The following TFEC variants were observed in gnomAD, a reference collection of about 807,000 sequenced individuals.
TFEC encodes the protein transcription factor EC.
Under a neutral mutation model 41.6 loss-of-function variants are expected in TFEC, and 31 were observed. That is an observed-to-expected ratio of 0.74 (90% CI 0.56 to 1.01). The LOEUF (loss-of-function observed/expected upper bound fraction) is 1.01, where lower values mean the gene tolerates loss of function less well. Ranked by LOEUF, TFEC falls within the 50% of genes least tolerant of loss-of-function variation. The pLI is 0.00. For missense variants in TFEC, 402 were observed against 404.1 expected (o/e 0.99, Z 0.04); for synonymous variants, 143 against 140.6 (o/e 1.02, Z -0.12).
At chr7:116,058,975 A>G (rs1428594248) in intron 3 of TFEC, among the ~76,000 whole-genome samples, 1 of 151,824 alleles carries the variant, frequency 6.6e-6, no homozygotes, top group African/African-American at 2.4e-5. Context: ...TTCTACCTTA[A>G]CACATTAGAA....
At chr7:116,012,384 C>T (rs1795033708) in intron 1 of TFEC, among the ~76,000 whole-genome samples, 1 of 152,174 alleles carries the variant, frequency 6.6e-6, no homozygotes, top group African/African-American at 2.4e-5. Flanking sequence ...CTTAAATGTA[C>T]TGTTTTCCAT....
At chr7:116,021,972 C>T (rs899258865) in intron 1 of TFEC, among the ~76,000 whole-genome samples, 1 of 152,132 alleles carries the variant, frequency 6.6e-6, no homozygotes, top group Admixed American at 6.5e-5. Flanking sequence ...AGAGTTGGTC[C>T]TCAGATTCAG....
At chr7:116,111,974 T>G (rs1257384070) in intron 2 of TFEC, 1 of 985,992 alleles carries the variant, frequency 1.0e-6, no homozygotes, top group East Asian at 1.1e-4. Context: ...TGCAACACTT[T>G]GTATGAAAAC....
At chr7:116,155,258 A>G (rs933489287) in intron 1 of TFEC, among the ~76,000 whole-genome samples, 4 of 152,236 alleles carry the variant, frequency 2.6e-5, no homozygotes, top group African/African-American at 9.6e-5. Flanking sequence ...TAAAGAACTA[A>G]TATTTAAACC....
chr7:115,949,071 C>G (rs1191347300), intron 6 of TFEC, among the ~76,000 whole-genome samples: 1 of 151,980 alleles, frequency 6.6e-6, no homozygotes, highest in Non-Finnish European at 1.5e-5. Context: ...AAACGGAGAG[C>G]CAAATCATGA....
At chr7:116,007,351 C>T (rs761628390) in intron 1 of TFEC, among the ~76,000 whole-genome samples, 10 of 152,124 alleles carry the variant, frequency 6.6e-5, no homozygotes, top group Non-Finnish European at 1.3e-4. Context: ...TTCAACTCTA[C>T]AAATCACCAA....
intron 3 of TFEC, among the ~76,000 whole-genome samples, chr7:116,039,814 T>C (rs1282526246): frequency 1.3e-5 from 2 of 152,074 alleles, no homozygotes; most frequent in Non-Finnish European, 2.9e-5. Context: ...TTTATTCTTT[T>C]AGAGGTTAAA....
intron 6 of TFEC, among the ~76,000 whole-genome samples, chr7:115,945,550 C>T (rs1250334342): frequency 1.1e-4 from 16 of 151,676 alleles, no homozygotes; most frequent in Admixed American, 9.9e-4. Context: ...TTTGGAATGT[C>T]ACACATTTCA....
chr7:116,128,568 C>G (rs558349510), intron 1 of TFEC, among the ~76,000 whole-genome samples: 29 of 152,038 alleles, frequency 1.9e-4, no homozygotes, highest in African/African-American at 5.8e-4. Flanking sequence ...TTTTATAAAT[C>G]AAAGCTAAAC....
chr7:116,074,527 T>C (rs916637292), intron 3 of TFEC, among the ~76,000 whole-genome samples: 5 of 152,142 alleles, frequency 3.3e-5, no homozygotes, highest in African/African-American at 4.8e-5. Context: ...CATTAATCAT[T>C]AGAAAAATGT....
At chr7:116,042,065 GA>G (rs149826046) in intron 3 of TFEC, among the ~76,000 whole-genome samples, 27,186 of 150,408 alleles carry the variant, frequency 0.18, 2,474 homozygotes, top group East Asian at 0.32. Context: ...TAATTTTAAA[GA>G]AAAAAAAACA....
intron 3 of TFEC, among the ~76,000 whole-genome samples, chr7:116,053,961 T>A (rs1184411671): frequency 1.3e-5 from 2 of 152,246 alleles, no homozygotes; most frequent in African/African-American, 4.8e-5. Flanking sequence ...AATAACCTAA[T>A]ATGGTATGTC....
rs766132159 is a variant in TFEC, at chr7:115,940,759, G to A, written c.836C>T (p.Ala279Val). The A allele has an allele frequency of 6.2e-7, 1 of 1,613,444 alleles. No homozygotes were observed. The highest frequency in any genetic ancestry group is 8.5e-7 in the Non-Finnish European group (1 of 1,179,614). The change falls in exon 8 of 8, where the codon GCT becomes GTT. Residue 279 changes from alanine to valine, a missense_variant. By Grantham distance (64) the Ala-to-Val change is moderately conservative. Transcript: ENST00000265440. ...QGPSPELCDQ[A>V]IAFSDPLSYF... ...TGACAAAGGATCAGAAAAGGCTATAGCTTGATCACAGAGCTCAGGGCTTGG... is the reference window on the plus strand; with the variant it reads ...TGACAAAGGATCAGAAAAGGCTATAACTTGATCACAGAGCTCAGGGCTTGG...
chr7:116,140,027 T>A (rs531112682), intron 1 of TFEC, among the ~76,000 whole-genome samples: 3 of 152,258 alleles, frequency 2.0e-5, no homozygotes, highest in African/African-American at 7.2e-5. Flanking sequence ...CATGATGCAA[T>A]GGAAGGAATG....
intron 1 of TFEC, among the ~76,000 whole-genome samples, chr7:116,025,902 A>C (rs1795566993): frequency 6.6e-6 from 1 of 152,234 alleles, no homozygotes; most frequent in Non-Finnish European, 1.5e-5. Context: ...GGTATTACCC[A>C]TAGTCACCAC....
intron 3 of TFEC, among the ~76,000 whole-genome samples, chr7:115,968,879 TG>T (rs1450512999): frequency 1.3e-5 from 2 of 151,874 alleles, no homozygotes; most frequent in African/African-American, 2.4e-5. Context: ...TTTCCTCATT[TG>T]TAAAATTTTA....
chr7:116,119,863 T>C (rs116921161), intron 1 of TFEC, among the ~76,000 whole-genome samples: 3,428 of 151,808 alleles, frequency 0.023, 62 homozygotes, highest in East Asian at 0.063. Context: ...GTGGAAACTA[T>C]ATAAATCCAG....
At chr7:115,946,789 T>G (rs13227465) in intron 6 of TFEC, among the ~76,000 whole-genome samples, 1 of 150,418 alleles carries the variant, frequency 6.6e-6, no homozygotes, top group South Asian at 2.3e-4. Flanking sequence ...TCCTGTTTGG[T>G]CCTCCCAAAG....
chr7:115,940,284 G>T lies in TFEC; in HGVS notation c.*267C>A. The T allele has an allele frequency of 3.0e-6, 1 of 336,660 alleles. No individual in the cohort carries two copies. Among genetic ancestry groups the T allele is most frequent in the East Asian group, 5.6e-5 (1 of 17,932 alleles). 20.9% of individuals were successfully genotyped at this position (336,660 alleles called of 1,614,324 possible). On this transcript the variant is annotated 3_prime_UTR_variant, in exon 8 of 8. Coordinates refer to ENST00000265440, the MANE Select transcript of TFEC (RefSeq NM_012252.4). ...ACATCAATAAAGAGCTATTTCTTAT[G>T]CTGTACCTCTTTTCAGGAAAACAGA...
Sources: gnomAD v4.1 joint callset for allele counts (sites outside exome capture counted in the v4.1 genomes callset) on GRCh38, gnomAD v4.1.1 for gene constraint, MANE v1.5 for transcripts, NCBI Gene and HGNC (gene_info 2026-07-23, HGNC 2026-07-21) for gene names.